FREM3: variants seen among roughly 807,000 people sequenced by gnomAD.
The protein encoded by FREM3 is FRAS1 related extracellular matrix 3, also known as FRAS1-related extracellular matrix protein 3.
A neutral mutation model predicts 129.1 loss-of-function variants in FREM3; 105 were observed. The observed-to-expected ratio is 0.81, with a 90% CI of 0.69 to 0.96. FREM3 has a LOEUF of 0.96. Among genes scored for constraint, FREM3 ranks in the 40% least tolerant of loss-of-function variants. The probability of loss-of-function intolerance (pLI) is 0.00; values close to 1 mark genes in which losing one functional copy is unlikely to be tolerated. For missense variants in FREM3, 2,593 were observed against 2,666.3 expected (o/e 0.97, Z 0.61); for synonymous variants, 1,014 against 1,044.9 (o/e 0.97, Z 0.57).
At chr4:143,682,174 G>A (rs1354050439) in intron 2 of FREM3, among the ~76,000 whole-genome samples, 5 of 152,088 alleles carry the variant, frequency 3.3e-5, no homozygotes, top group Non-Finnish European at 5.9e-5. Context: ...AAGAGAATAG[G>A]GTCTGGAGGC....
chr4:143,617,584 G>T (rs567227192), intron 5 of FREM3, among the ~76,000 whole-genome samples: 1 of 152,308 alleles, frequency 6.6e-6, no homozygotes, highest in South Asian at 2.1e-4. Context: ...TCCAGAGATA[G>T]GCTTATTGCC....
intron 2 of FREM3, among the ~76,000 whole-genome samples, chr4:143,650,074 AT>A (rs1739484078): frequency 6.6e-6 from 1 of 152,228 alleles, no homozygotes; most frequent in Admixed American, 6.5e-5. Context: ...CATAAATGCT[AT>A]CGCACAGTCA....
intron 2 of FREM3, among the ~76,000 whole-genome samples, chr4:143,652,537 CAAATG>C (rs1560858452): frequency 1.3e-5 from 2 of 152,096 alleles, no homozygotes; most frequent in Non-Finnish European, 2.9e-5. Flanking sequence ...ATGAAAGTGG[CAAATG>C]AAATGAAATA....
chr4:143,667,217 A>G (rs1202483240), intron 2 of FREM3, among the ~76,000 whole-genome samples: 1 of 152,168 alleles, frequency 6.6e-6, no homozygotes, highest in African/African-American at 2.4e-5. Flanking sequence ...TTAACAGAAA[A>G]TTTAAATTCA....
intron 2 of FREM3, among the ~76,000 whole-genome samples, chr4:143,661,120 G>A (rs912709305): frequency 6.6e-6 from 1 of 152,180 alleles, no homozygotes. Flanking sequence ...CCAACACTAT[G>A]TTGAATAGGA....
At chr4:143,591,801 C>G (rs944982069) in intron 6 of FREM3, among the ~76,000 whole-genome samples, 1 of 152,138 alleles carries the variant, frequency 6.6e-6, no homozygotes, top group African/African-American at 2.4e-5. Flanking sequence ...TCTTTGTTAA[C>G]TTTCTGTCTC....
chr4:143,684,622 C>T (rs1740323814), intron 2 of FREM3, among the ~76,000 whole-genome samples: 2 of 152,202 alleles, frequency 1.3e-5, no homozygotes, highest in Admixed American at 1.3e-4. Flanking sequence ...AAAAATCACA[C>T]TAGTTCATCA....
rs564761262 is a variant in FREM3 at position 143,595,683 on chromosome 4, C to T, written c.6029-9690G>A. The stretch of plus-strand genomic sequence containing the variant: ...TGGGCGGATCACGAGGTCTGCAGAT[C>T]AAGACCATCCTGGCTAACACGGTGA... On this transcript the variant is annotated intron_variant, in intron 6 of 7. Coordinates refer to ENST00000329798, the MANE Select transcript of FREM3 (RefSeq NM_001168235.2). 1.1e-4 allele frequency among the ~76,000 whole-genome samples: 17 copies of T among 152,130 alleles called. No individual in the cohort carries two copies. The East Asian group carries it at 3.3e-3, about 29-fold the overall frequency.
At chr4:143,684,252 A>C (rs544457930) in intron 2 of FREM3, among the ~76,000 whole-genome samples, 10 of 152,266 alleles carry the variant, frequency 6.6e-5, no homozygotes, top group Admixed American at 5.9e-4. Context: ...CATGGAGTCC[A>C]TTGCACCCCC....
chr4:143,622,091 CTT>C (rs35974796), intron 4 of FREM3, among the ~76,000 whole-genome samples: 45 of 137,258 alleles, frequency 3.3e-4, no homozygotes, highest in Non-Finnish European at 3.2e-4. Flanking sequence ...AGGCAATCAC[CTT>C]TTTTTTTTTT....
At chr4:143,642,552 A>G (rs569612822) in intron 2 of FREM3, among the ~76,000 whole-genome samples, 1 of 152,090 alleles carries the variant, frequency 6.6e-6, no homozygotes, top group African/African-American at 2.4e-5. Flanking sequence ...AGTCTCTTCC[A>G]TAAATGGTGC....
At chr4:143,624,460 C>A in intron 3 of FREM3, 122 bp from the exon 4 acceptor site, 2 of 626,082 alleles carry the variant, frequency 3.2e-6, no homozygotes, top group Non-Finnish European at 5.6e-6. Context: ...TTTAATGCTC[C>A]CAAAAGACAC....
chr4:143,640,705 A>AT lies in FREM3; in HGVS notation c.5276-12946dup, dbSNP rs559681905. Among the ~76,000 whole-genome samples, 475 of 151,292 alleles carry AT rather than the reference A, an allele frequency of 3.1e-3. 3 individuals carry two copies. The highest frequency in any genetic ancestry group is 9.2e-3 in the African/African-American group (381 of 41,270). On this transcript the variant is annotated intron_variant, in intron 2 of 7. Coordinates refer to ENST00000329798, the MANE Select transcript of FREM3 (RefSeq NM_001168235.2). Reference sequence around the variant, plus strand: ...AATTTTAGTAATATAATATAAAGCCATTTTTTTTTCTAGTTAGCAACAGAA... The same window carrying AT: ...AATTTTAGTAATATAATATAAAGCCATTTTTTTTTTCTAGTTAGCAACAGAA...
intron 5 of FREM3, among the ~76,000 whole-genome samples, chr4:143,614,481 T>A (rs149927913): frequency 1.3e-5 from 2 of 152,110 alleles, no homozygotes; most frequent in African/African-American, 4.8e-5. Flanking sequence ...CTTCAAGGAG[T>A]ATAAATTTAT....
At chr4:143,692,391 T>G (rs1391971800) in intron 2 of FREM3, among the ~76,000 whole-genome samples, 3 of 152,150 alleles carry the variant, frequency 2.0e-5, no homozygotes, top group Non-Finnish European at 4.4e-5. Flanking sequence ...GGTTACTTAC[T>G]GGGAATGAGT....
At chr4:143,584,990 A>G (rs1578820623) in intron 7 of FREM3, among the ~76,000 whole-genome samples, 1 of 152,226 alleles carries the variant, frequency 6.6e-6, no homozygotes, top group Non-Finnish European at 1.5e-5. Context: ...AAACCATACA[A>G]TTACATGGAA....
At chr4:143,599,614 A>G (rs1738538629) in intron 6 of FREM3, among the ~76,000 whole-genome samples, 1 of 152,182 alleles carries the variant, frequency 6.6e-6, no homozygotes, top group African/African-American at 2.4e-5. Context: ...TGTCAGACCT[A>G]CCAGTGGAGA....
chr4:143,696,977 T>C lies in FREM3; in HGVS notation c.3699A>G (p.Thr1233=). 6.5e-7 allele frequency: 1 copy of C among 1,537,794 alleles called. No individual in the cohort carries two copies. Among genetic ancestry groups the C allele is most frequent in the Non-Finnish European group, 8.7e-7 (1 of 1,147,042 alleles). ...LPPNELHFQL[T]ALPRHGRIIQ... ...TGATTCGTCCATGCCGAGGGAGGGC[T>C]GTGAGTTGAAAGTGGAGCTCATTTG... The change falls in exon 1 of 8, where the codon ACA becomes ACG. Residue 1233 remains threonine (T), a synonymous_variant. Coordinates refer to ENST00000329798, the MANE Select transcript of FREM3 (RefSeq NM_001168235.2).
chr4:143,582,223 G>A (rs577508761), intron 7 of FREM3, among the ~76,000 whole-genome samples: 4 of 152,156 alleles, frequency 2.6e-5, no homozygotes, highest in Non-Finnish European at 5.9e-5. Context: ...TATAGCTTAG[G>A]AGTGCAAAGC....
Sources: gnomAD v4.1 joint callset for allele counts (sites outside exome capture counted in the v4.1 genomes callset) on GRCh38, gnomAD v4.1.1 for gene constraint, MANE v1.5 for transcripts, NCBI Gene and HGNC (gene_info 2026-07-23, HGNC 2026-07-21) for gene names.